Variants in IST1 observed in about 807,000 individuals in gnomAD.
IST1 encodes the protein IST1 factor associated with ESCRT-III.
A neutral mutation model predicts 37.0 loss-of-function variants in IST1; 23 were observed. The observed-to-expected ratio is 0.62, with a 90% CI of 0.45 to 0.88. IST1 has a LOEUF of 0.88. Ranked by LOEUF, IST1 falls within the 40% of genes least tolerant of loss-of-function variation. The pLI, the probability that IST1 is intolerant of heterozygous loss-of-function variation, is 0.00. For synonymous variants in IST1, 180 were observed against 161.7 expected, an observed-to-expected ratio of 1.11 and a Z score of -0.86; for missense variants, 488 against 445.4, an observed-to-expected ratio of 1.10 and a Z score of -0.86.
intron 8 of IST1, among the ~76,000 whole-genome samples, chr16:71,923,690 T>G (rs1034745823): frequency 2.0e-5 from 3 of 152,166 alleles, no homozygotes; most frequent in African/African-American, 7.2e-5. Context: ...AGGCAGATAA[T>G]CACACTGAGC....
intron 1 of IST1, among the ~76,000 whole-genome samples, chr16:71,912,364 A>G (rs558544529): frequency 6.6e-6 from 1 of 152,060 alleles, no homozygotes; most frequent in South Asian, 2.1e-4. Context: ...CAGCCTCCTG[A>G]GAAGCTGGGA....
In IST1 at chr16:71,927,709, G is replaced by A. The variant is rs1229386872; in HGVS notation, c.997G>A (p.Asp333Asn). ...FVLPELPSVPDTLPTASAGAS... is the reference protein window; with the variant it reads ...FVLPELPSVPNTLPTASAGAS... ...CCTACCAGAGTTGCCATCTGTGCCA[G>A]ACACACTACCAACTGCATCTGCTGG... Residue 333 changes from aspartate to asparagine, a missense_variant, in exon 10 of 10, where the codon GAC becomes AAC. By Grantham distance (23) the Asp-to-Asn change is conservative. Transcript: ENST00000378799. 6 of 1,613,874 alleles carry A rather than the reference G, an allele frequency of 3.7e-6. No individual in the cohort carries two copies. The highest frequency in any genetic ancestry group is 1.7e-5 in the Admixed American group (1 of 60,018).
chr16:71,924,735 GCT>G, intron 8 of IST1, 32 bp from the exon 9 acceptor site: 1 of 1,542,266 alleles, frequency 6.5e-7, no homozygotes, highest in Middle Eastern at 1.7e-4. Flanking sequence ...TGACACTATT[GCT>G]GTCTCCTCTG....
chr16:71,926,166 C>T (rs1027403195), intron 9 of IST1, among the ~76,000 whole-genome samples: 1 of 151,046 alleles, frequency 6.6e-6, no homozygotes. Context: ...CCTGTAATCC[C>T]AGCTACTCGG....
chr16:71,924,661 T>C, intron 8 of IST1, 108 bp from the exon 9 acceptor site: 1 of 816,718 alleles, frequency 1.2e-6, no homozygotes, highest in South Asian at 1.4e-5. Flanking sequence ...GAACAGGCTC[T>C]GTTGCATTTG....
chr16:71,926,130 A>G (rs2037736749), intron 9 of IST1, among the ~76,000 whole-genome samples: 1 of 151,578 alleles, frequency 6.6e-6, no homozygotes, highest in South Asian at 2.1e-4. Context: ...AAAAATACAC[A>G]AATTAGCTGG....
intron 9 of IST1, 126 bp from the exon 10 acceptor site, chr16:71,927,486 CAA>C (rs34382355): frequency 0.039 from 22,863 of 587,622 alleles, no homozygotes; most frequent in East Asian, 0.084. Context: ...GAGACTGTCT[CAA>C]AAAAAAAAAA....
chr16:71,903,024 G>C (rs1387174857), intron 1 of IST1: 3 of 152,132 alleles, frequency 2.0e-5, no homozygotes, highest in Non-Finnish European at 2.9e-5. Flanking sequence ...GTCTTGCTCT[G>C]TTGTCCAGCC....
intron 1 of IST1, among the ~76,000 whole-genome samples, chr16:71,896,737 G>A (rs2036980432): frequency 6.6e-6 from 1 of 152,062 alleles, no homozygotes; most frequent in Non-Finnish European, 1.5e-5. Flanking sequence ...CCCAGTACTT[G>A]GGGAGGGCTA....
intron 1 of IST1, 31 bp downstream of exon 1, chr16:71,895,620 T>C: frequency 1.1e-6 from 1 of 870,468 alleles, no homozygotes; most frequent in Non-Finnish European, 1.4e-6. Context: ...GTCAGAGGTC[T>C]CTGTCTTCCT....
chr16:71,900,327 C>CTTT lies in IST1; in HGVS notation c.-16+4759_-16+4761dup, dbSNP rs201344260. On this transcript the variant is annotated intron_variant, in intron 1 of 9. Transcript: ENST00000378799. Reference sequence around the variant, plus strand: ...CACTGAGTTTACTCCCTTAGGAAGTCTTTTTTTTTTTTTTTTTTTTTTTGG... The same window carrying CTTT: ...CACTGAGTTTACTCCCTTAGGAAGTCTTTTTTTTTTTTTTTTTTTTTTTTTTGG... Among the ~76,000 whole-genome samples, 380 of 100,402 alleles carry CTTT rather than the reference C, an allele frequency of 3.8e-3. 2 individuals are homozygous for CTTT. Among genetic ancestry groups the CTTT allele is most frequent in the African/African-American group, 0.013 (295 of 23,086 alleles). The allele number at this position is 100,402 out of a possible 152,430, so 65.9% of individuals were successfully genotyped here. A position where few individuals can be genotyped will look rare whatever the true frequency, so the allele number is the denominator to read the frequency against.
In IST1 at chr16:71,930,280, A is replaced by ATTTC; in HGVS notation, c.*2467_*2468insTTTC. On this transcript the variant is annotated 3_prime_UTR_variant, in exon 10 of 10. Transcript: ENST00000378799. ...TAGTGTTTGGGATCTTATCAGAAGA[A>ATTTC]AAGCTTATCCGAAGGAAACTTAGGG... 1 of 1,281,394 alleles carries ATTTC rather than the reference A, an allele frequency of 7.8e-7. No individual in the cohort carries two copies. Among genetic ancestry groups the ATTTC allele is most frequent in the Non-Finnish European group, 1.0e-6 (1 of 974,476 alleles). The allele number at this position is 1,281,394 out of a possible 1,614,324, so 79.4% of individuals were successfully genotyped here.
At chr16:71,924,850 C>G in intron 9 of IST1, 33 bp downstream of exon 9, 1 of 1,428,678 alleles carries the variant, frequency 7.0e-7, no homozygotes, top group Non-Finnish European at 9.9e-7. Context: ...CTGCAGAGCT[C>G]AGTGCTGAAC....
chr16:71,911,793 G>A (rs1166855255), intron 1 of IST1, among the ~76,000 whole-genome samples: 2 of 140,610 alleles, frequency 1.4e-5, no homozygotes, highest in Non-Finnish European at 3.0e-5. Context: ...AATGGCTCAC[G>A]TTAGCCTTGA....
upstream of IST1, chr16:71,894,835 A>G: frequency 6.5e-7 from 1 of 1,534,530 alleles, no homozygotes; most frequent in South Asian, 1.2e-5. Flanking sequence ...AGCAGCGATA[A>G]TGGTTTTCAA....
At chr16:71,916,334 G>T in intron 2 of IST1, 128 bp from the exon 3 acceptor site, 1 of 831,056 alleles carries the variant, frequency 1.2e-6, no homozygotes. Flanking sequence ...GATGGGATTA[G>T]ATTTGCTAAA....
At chr16:71,899,008 A>G (rs537728489) in intron 1 of IST1, among the ~76,000 whole-genome samples, 5 of 151,748 alleles carry the variant, frequency 3.3e-5, no homozygotes, top group Admixed American at 6.6e-5. Context: ...AAAAGACCCA[A>G]TGAATTTCCC....
intron 1 of IST1, among the ~76,000 whole-genome samples, chr16:71,898,338 C>A (rs1336866812): frequency 6.9e-6 from 1 of 144,714 alleles, no homozygotes; most frequent in Admixed American, 7.1e-5. Flanking sequence ...GATTGCACCA[C>A]CTGCCTGGTG....
Position 71,927,642 on chromosome 16 carries a change from A to G in IST1, c.930A>G (p.Ala310=). Residue 310 remains alanine (A), a synonymous_variant, in exon 10 of 10, where the codon GCA becomes GCG. Coordinates refer to ENST00000378799, the MANE Select transcript of IST1 (RefSeq NM_001270975.2). ...VGPGPKPEAS[A]KLPSRPADNY... ...CTGGACCCAAGCCAGAAGCCTCTGC[A>G]AAGCTTCCTTCCAGACCTGCAGATA... 6.2e-7 allele frequency: 1 copy of G among 1,613,966 alleles called. No homozygotes were observed. Among genetic ancestry groups the G allele is most frequent in the African/African-American group, 1.3e-5 (1 of 75,048 alleles).
Sources: allele counts gnomAD v4.1 joint callset (sites outside exome capture counted in the v4.1 genomes callset), GRCh38; gene constraint gnomAD v4.1.1; transcripts MANE v1.5; gene names NCBI Gene and HGNC (gene_info 2026-07-23, HGNC 2026-07-21).